The following SMYD3 variants were observed in gnomAD, a reference collection of about 807,000 sequenced individuals.
SMYD3 encodes the protein histone-lysine N-methyltransferase SMYD3.
A neutral mutation model predicts 57.7 loss-of-function variants in SMYD3; 36 were observed. The observed-to-expected ratio is 0.62, with a 90% CI of 0.48 to 0.82. SMYD3 has a LOEUF of 0.82. SMYD3 is among the 40% of genes least tolerant of loss of function. SMYD3 has a pLI of 0.00. For synonymous variants in SMYD3, 211 were observed against 195.0 expected, an observed-to-expected ratio of 1.08 and a Z score of -0.68; for missense variants, 515 against 538.8, an observed-to-expected ratio of 0.96 and a Z score of 0.44.
intron 5 of SMYD3, among the ~76,000 whole-genome samples, chr1:246,050,559 C>A (rs533774913): frequency 1.1e-4 from 16 of 152,116 alleles, no homozygotes; most frequent in Non-Finnish European, 1.9e-4. Flanking sequence ...ATGGTGAGGT[C>A]ATAAAAAGCA....
At chr1:246,375,981 CA>C (rs143226400) in intron 1 of SMYD3, among the ~76,000 whole-genome samples, 21,852 of 152,010 alleles carry the variant, frequency 0.14, 2,134 homozygotes, top group East Asian at 0.42. Flanking sequence ...CCACCAGCCT[CA>C]GCCTCCCAAA....
At chr1:245,910,758 C>G (rs2054914155) in intron 8 of SMYD3, among the ~76,000 whole-genome samples, 1 of 151,960 alleles carries the variant, frequency 6.6e-6, no homozygotes, top group African/African-American at 2.4e-5. Context: ...ATCAAAACAG[C>G]TTAAATATTT....
intron 5 of SMYD3, among the ~76,000 whole-genome samples, chr1:245,962,910 A>T (rs148716159): frequency 1.3e-4 from 20 of 152,376 alleles, no homozygotes; most frequent in Admixed American, 3.9e-4. Flanking sequence ...AGGGGAGTTT[A>T]TCAGGTAAGA....
intron 1 of SMYD3, among the ~76,000 whole-genome samples, chr1:246,455,360 T>A (rs1191651583): frequency 1.3e-5 from 2 of 152,204 alleles, no homozygotes; most frequent in Non-Finnish European, 2.9e-5. Context: ...TCTAAAACCG[T>A]CATGCTATAC....
intron 5 of SMYD3, among the ~76,000 whole-genome samples, chr1:246,040,169 T>C (rs1457155859): frequency 2.0e-5 from 3 of 152,200 alleles, no homozygotes; most frequent in Non-Finnish European, 4.4e-5. Flanking sequence ...GCAATTAATA[T>C]TGGGCTGTTT....
chr1:245,830,883 G>A (rs2049797134), intron 10 of SMYD3, among the ~76,000 whole-genome samples: 1 of 152,042 alleles, frequency 6.6e-6, no homozygotes. Context: ...CAGTGCCCAT[G>A]TTGAGTTTTA....
At position 246,044,636 on chromosome 1, in the gene SMYD3, T is replaced by C. The variant is rs138872915; in HGVS notation, c.532-114699A>G. Among the ~76,000 whole-genome samples, 37 of 152,262 alleles carry C rather than the reference T, an allele frequency of 2.4e-4. No homozygotes were observed. In the East Asian group the frequency reaches 6.8e-3, roughly 28 times the overall value. On this transcript the variant is annotated intron_variant, in intron 5 of 11. Coordinates refer to ENST00000490107, the MANE Select transcript of SMYD3 (RefSeq NM_001167740.2). ...CCAGTTAGCAATTTTACCAGAACTC[T>C]TTATTCTATCAAGGCTGCAGAAGAG...
chr1:246,122,247 AAAAAAATTT>A (rs113947956), intron 5 of SMYD3, among the ~76,000 whole-genome samples: 12,166 of 151,966 alleles, frequency 0.08, 966 homozygotes, highest in African/African-American at 0.19. Context: ...CCATCTCTAC[AAAAAAATTT>A]AAAAAATTAG....
At chr1:246,332,301 T>C (rs115089159) in intron 3 of SMYD3, among the ~76,000 whole-genome samples, 363 of 152,370 alleles carry the variant, frequency 2.4e-3, no homozygotes, top group African/African-American at 8.0e-3. Context: ...AACAGTCTTA[T>C]TGCTAATCTA....
intron 10 of SMYD3, among the ~76,000 whole-genome samples, chr1:245,848,475 G>C (rs2148444587): frequency 6.6e-6 from 1 of 152,086 alleles, no homozygotes; most frequent in South Asian, 2.1e-4. Flanking sequence ...TGGAGCATGT[G>C]GTGGTTCCCT....
At chr1:245,879,280 C>T (rs1013287154) in intron 8 of SMYD3, among the ~76,000 whole-genome samples, 1 of 152,242 alleles carries the variant, frequency 6.6e-6, no homozygotes, top group African/African-American at 2.4e-5. Context: ...GACTAGATGA[C>T]CTACCTCATA....
At chr1:246,263,308 C>G (rs1036661829) in intron 5 of SMYD3, among the ~76,000 whole-genome samples, 2 of 151,660 alleles carry the variant, frequency 1.3e-5, no homozygotes, top group African/African-American at 4.9e-5. Context: ...ACTGTGCACT[C>G]AGAGATTATG....
At chr1:246,088,575 A>G (rs1049513938) in intron 5 of SMYD3, among the ~76,000 whole-genome samples, 14 of 125,268 alleles carry the variant, frequency 1.1e-4, no homozygotes, top group Admixed American at 4.7e-4. Flanking sequence ...ATGCCACTGC[A>G]CTCCAGCCTG....
chr1:245,924,434 AG>A (rs1327754525), intron 7 of SMYD3, among the ~76,000 whole-genome samples: 1 of 152,188 alleles, frequency 6.6e-6, no homozygotes, highest in East Asian at 1.9e-4. Flanking sequence ...GAGGGTCCAA[AG>A]GATGGATTTA....
At chr1:246,153,403 G>T (rs1016450588) in intron 5 of SMYD3, among the ~76,000 whole-genome samples, 1 of 132,156 alleles carries the variant, frequency 7.6e-6, no homozygotes, top group Non-Finnish European at 1.6e-5. Context: ...CCCTGCTGGA[G>T]ATAGGGAAGG....
chr1:246,190,657 C>G (rs961153041), intron 5 of SMYD3, among the ~76,000 whole-genome samples: 3 of 145,258 alleles, frequency 2.1e-5, no homozygotes, highest in African/African-American at 5.0e-5. Flanking sequence ...ATTTAAATTA[C>G]TACTCAATTA....
At chr1:246,393,084 C>T (rs763693008) in intron 1 of SMYD3, among the ~76,000 whole-genome samples, 1 of 151,990 alleles carries the variant, frequency 6.6e-6, no homozygotes, top group Non-Finnish European at 1.5e-5. Context: ...TCCCACAAAT[C>T]GTTAAATACT....
chr1:246,263,793 ATTTCT>A (rs747416895), intron 5 of SMYD3, among the ~76,000 whole-genome samples: 16 of 152,238 alleles, frequency 1.1e-4, no homozygotes, highest in Non-Finnish European at 2.2e-4. Context: ...TAATTTGAAC[ATTTCT>A]TTTAAGTCCC....
At chr1:246,005,600 G>C (rs537602445) in intron 5 of SMYD3, among the ~76,000 whole-genome samples, 3 of 152,206 alleles carry the variant, frequency 2.0e-5, no homozygotes, top group African/African-American at 7.2e-5. Flanking sequence ...GCAGGGCCTA[G>C]GAAACAGGTC....
Sources: allele counts gnomAD v4.1 joint callset (sites outside exome capture counted in the v4.1 genomes callset), GRCh38; gene constraint gnomAD v4.1.1; transcripts MANE v1.5; gene names NCBI Gene and HGNC (gene_info 2026-07-23, HGNC 2026-07-21).